Variants in TMSB15B observed in about 807,000 individuals in gnomAD.
TMSB15B encodes the protein thymosin beta-15B.
chrX:103,949,982 A>C (rs1448403531), intron 1 of TMSB15B, among the ~76,000 whole-genome samples: 1 of 111,494 alleles, frequency 9.0e-6, no homozygotes, highest in Non-Finnish European at 1.9e-5. Flanking sequence ...GAAGAAAGTG[A>C]ACCAAAGAGG....
chrX:103,947,004 T>G (rs782041479), intron 1 of TMSB15B, among the ~76,000 whole-genome samples: 2 of 110,779 alleles, frequency 1.8e-5, no homozygotes, highest in East Asian at 5.7e-4. Context: ...AACCTATGCA[T>G]TCCCTATGAC....
intron 1 of TMSB15B, among the ~76,000 whole-genome samples, chrX:103,925,844 T>C (rs781944065): frequency 7.1e-5 from 8 of 112,015 alleles, no homozygotes; most frequent in Non-Finnish European, 1.5e-4. Context: ...AGTGGAACAT[T>C]ATTGCGCTCT....
intron 1 of TMSB15B, among the ~76,000 whole-genome samples, chrX:103,933,521 C>G (rs782569152): frequency 1.4e-4 from 16 of 111,897 alleles, no homozygotes; most frequent in Non-Finnish European, 3.0e-4. Context: ...CTTCTTCCAT[C>G]TTAGGGTTAG....
At chrX:103,942,802 A>G (rs2075015880) in intron 1 of TMSB15B, among the ~76,000 whole-genome samples, 1 of 111,426 alleles carries the variant, frequency 9.0e-6, no homozygotes, top group Admixed American at 9.5e-5. Flanking sequence ...TTGTTGCTTA[A>G]TTTTTAAACA....
rs187771457 is a variant in TMSB15B, at chrX:103,926,381, T to C, written c.-721+7089T>C. Among the ~76,000 whole-genome samples the C allele has an allele frequency of 2.5e-3, 199 of 80,767 alleles. 1 individual carries two copies. The highest frequency in any genetic ancestry group is 9.4e-3 in the African/African-American group (191 of 20,329). The allele number at this position is 80,767 out of a possible 115,157, so 70.1% of individuals were successfully genotyped here. ...GAGTGGGGTGGGGTATGAATGAGAT[T>C]GTGAGGATATGGATGGAGCAGGGGG... On this transcript the variant is annotated intron_variant, in intron 1 of 3. Coordinates refer to the TMSB15B transcript ENST00000419165.
intron 1 of TMSB15B, among the ~76,000 whole-genome samples, chrX:103,921,698 T>A (rs2074953531): frequency 8.9e-6 from 1 of 112,274 alleles, no homozygotes; most frequent in Non-Finnish European, 1.9e-5. Flanking sequence ...GCTTGAAGGT[T>A]TAGAGATAAA....
At chrX:103,955,143 C>A (rs2075048301) in intron 1 of TMSB15B, among the ~76,000 whole-genome samples, 1 of 111,210 alleles carries the variant, frequency 9.0e-6, no homozygotes, top group African/African-American at 3.3e-5. Flanking sequence ...AGAAAAAAAA[C>A]ATCCAAAGGT....
intron 1 of TMSB15B, among the ~76,000 whole-genome samples, chrX:103,934,531 C>G (rs782179186): frequency 1.3e-4 from 14 of 110,282 alleles, no homozygotes; most frequent in Non-Finnish European, 2.5e-4. Context: ...TGATGTTCCC[C>G]TCCCTGTGCC....
intron 1 of TMSB15B, among the ~76,000 whole-genome samples, chrX:103,927,706 T>C (rs2074972597): frequency 1.9e-5 from 2 of 107,655 alleles, no homozygotes; most frequent in African/African-American, 6.8e-5. Flanking sequence ...CTTATTATTC[T>C]AGTAGTTTAT....
chrX:103,925,575 C>A (rs1383354576), intron 1 of TMSB15B, among the ~76,000 whole-genome samples: 1 of 112,027 alleles, frequency 8.9e-6, no homozygotes, highest in Non-Finnish European at 1.9e-5. Flanking sequence ...AATTATTTTG[C>A]CCTTTCTGCT....
intron 1 of TMSB15B, among the ~76,000 whole-genome samples, chrX:103,921,609 G>A (rs1476579797): frequency 8.9e-6 from 1 of 112,170 alleles, no homozygotes; most frequent in Non-Finnish European, 1.9e-5. Context: ...CCTATCTCTG[G>A]CCTCATGTGT....
intron 1 of TMSB15B, among the ~76,000 whole-genome samples, chrX:103,948,878 T>C (rs2075032175): frequency 8.9e-6 from 1 of 111,994 alleles, no homozygotes. Context: ...ATAAGATAAT[T>C]AGCATAAGTA....
At chrX:103,932,254 G>T (rs2074986726) in intron 1 of TMSB15B, 1 of 111,750 alleles carries the variant, frequency 8.9e-6, no homozygotes, top group Non-Finnish European at 1.9e-5. Context: ...AAGGGCCTGG[G>T]AACAGTCTTG....
chrX:103,924,453 C>T (rs1428911618), intron 1 of TMSB15B, among the ~76,000 whole-genome samples: 1 of 111,804 alleles, frequency 8.9e-6, no homozygotes, highest in Non-Finnish European at 1.9e-5. Context: ...CTCCCCGTCC[C>T]AGGTGGAATA....
rs185770285 is a variant in TMSB15B at position 103,945,331 on chromosome X, A to C, written c.-720-16690A>C. ...GGGAAGTTTAAGATTGGGCAGCTGC[A>C]TCTGGTAGCTTCTGATGAGGGCCTT... On this transcript the variant is annotated intron_variant, in intron 1 of 3. Coordinates refer to the TMSB15B transcript ENST00000419165. Among the ~76,000 whole-genome samples, 11 of 112,226 alleles carry C rather than the reference A, an allele frequency of 9.8e-5. No homozygotes were observed. In the East Asian group the frequency reaches 1.1e-3, roughly 11 times the overall value.
At chrX:103,920,449 C>T (rs782747762) in intron 1 of TMSB15B, among the ~76,000 whole-genome samples, 17 of 111,940 alleles carry the variant, frequency 1.5e-4, no homozygotes, top group Non-Finnish European at 3.2e-4. Context: ...CTAAACACCA[C>T]CACGTGATGC....
At chrX:103,946,871 G>A (rs1223271028) in intron 1 of TMSB15B, among the ~76,000 whole-genome samples, 1 of 111,633 alleles carries the variant, frequency 9.0e-6, no homozygotes. Context: ...GGAAAAGATT[G>A]ATATATTTGA....
At chrX:103,919,292 T>C (rs1365706629) in exon 1 of TMSB15B, 1 of 112,597 alleles carries the variant, frequency 8.9e-6, no homozygotes. Flanking sequence ...CCCTTTCATC[T>C]GTGAGTTTGC....
chrX:103,954,186 A>C (rs1556328757), intron 1 of TMSB15B, among the ~76,000 whole-genome samples: 1 of 112,414 alleles, frequency 8.9e-6, no homozygotes, highest in African/African-American at 3.2e-5. Context: ...ATGGCCAGGC[A>C]TGGCCACCCC....
Sources: gnomAD v4.1 joint callset for allele counts (sites outside exome capture counted in the v4.1 genomes callset) on GRCh38, gnomAD v4.1.1 for gene constraint, MANE v1.5 for transcripts, NCBI Gene and HGNC (gene_info 2026-07-23, HGNC 2026-07-21) for gene names.